WDR47: variants seen among roughly 807,000 people sequenced by gnomAD.
WDR47 encodes the protein WD repeat-containing protein 47.
Under a neutral mutation model 97.2 loss-of-function variants are expected in WDR47, and 32 were observed. The ratio of observed to expected loss-of-function variants is 0.33; its 90% confidence interval spans 0.25 to 0.44. WDR47 has a LOEUF of 0.44. Ranked by LOEUF, WDR47 falls within the 20% of genes least tolerant of loss-of-function variation. The probability of loss-of-function intolerance (pLI) is 1.00; values close to 1 mark genes in which losing one functional copy is unlikely to be tolerated. For missense variants in WDR47, 782 were observed against 1,102.3 expected (o/e 0.71, Z 4.11); for synonymous variants, 375 against 373.5 (o/e 1.00, Z -0.05).
At position 108,995,662 on chromosome 1, in the gene WDR47, T is replaced by G. The variant is rs763515127; in HGVS notation, c.1609A>C (p.Asn537His). The G allele has an allele frequency of 6.2e-6, 10 of 1,614,124 alleles. No homozygotes were observed. The highest frequency in any genetic ancestry group is 8.5e-6 in the Non-Finnish European group (10 of 1,179,992). The change falls in exon 8 of 15, where the codon AAT becomes CAT. Residue 537 changes from asparagine to histidine, a missense_variant. Coordinates refer to ENST00000369962, the MANE Select transcript of WDR47 (RefSeq NM_001142551.2). ...SSQRLTHDASNIHTSTPRNPG... is the reference protein window; with the variant it reads ...SSQRLTHDASHIHTSTPRNPG... ...TTACGAGGAGTGCTTGTATGAATATTTGAAGCATCATGTGTTAATCTCTGA... is the reference window on the plus strand; with the variant it reads ...TTACGAGGAGTGCTTGTATGAATATGTGAAGCATCATGTGTTAATCTCTGA...
chr1:109,018,294 C>CGA, intron 2 of WDR47, among the ~76,000 whole-genome samples: 1 of 151,736 alleles, frequency 6.6e-6, no homozygotes, highest in South Asian at 2.1e-4. Context: ...ACTAAAAGTA[C>CGA]GAAAATTAGC....
intron 1 of WDR47, among the ~76,000 whole-genome samples, chr1:109,035,365 G>C (rs1030781830): frequency 6.6e-6 from 1 of 151,988 alleles, no homozygotes; most frequent in Non-Finnish European, 1.5e-5. Context: ...AGGGATCTAG[G>C]AGAAGAAAAG....
intron 7 of WDR47, among the ~76,000 whole-genome samples, chr1:108,999,224 T>C (rs1659980921): frequency 1.5e-5 from 2 of 137,536 alleles, no homozygotes; most frequent in African/African-American, 5.4e-5. Context: ...CAAGACTCTG[T>C]CCCCAAAAAA....
chr1:109,016,120 T>C (rs1236892689), intron 3 of WDR47, among the ~76,000 whole-genome samples: 2 of 152,068 alleles, frequency 1.3e-5, no homozygotes, highest in African/African-American at 4.8e-5. Context: ...AGTCTGGTAC[T>C]GACTGAACAA....
chr1:108,971,397 G>A lies in WDR47; in HGVS notation c.*33C>T, dbSNP rs1657444777. On this transcript the variant is annotated 3_prime_UTR_variant, in exon 15 of 15. Coordinates refer to ENST00000369962, the MANE Select transcript of WDR47 (RefSeq NM_001142551.2). ...CAACTCAGTAGTCTTAAGTCTCTGT[G>A]CTTTTGCTGCATAGACTGACATGCG... 6.2e-7 allele frequency: 1 copy of A among 1,612,714 alleles called. No homozygotes were observed. Among genetic ancestry groups the A allele is most frequent in the Admixed American group, 1.7e-5 (1 of 59,826 alleles).
At chr1:109,013,555 G>A (rs1661200330) in intron 4 of WDR47, among the ~76,000 whole-genome samples, 1 of 152,034 alleles carries the variant, frequency 6.6e-6, no homozygotes, top group Admixed American at 6.6e-5. Flanking sequence ...AAGAAATGAT[G>A]AAGAGTCATC....
intron 9 of WDR47, 69 bp downstream of exon 9, chr1:108,991,185 T>G: frequency 6.8e-7 from 1 of 1,468,340 alleles, no homozygotes; most frequent in Non-Finnish European, 9.4e-7. Context: ...TTTCTTTGAA[T>G]TGAAAATTTC....
At chr1:109,005,947 C>G (rs1660577901) in intron 5 of WDR47, among the ~76,000 whole-genome samples, 1 of 152,048 alleles carries the variant, frequency 6.6e-6, no homozygotes, top group Non-Finnish European at 1.5e-5. Flanking sequence ...CTCTGTGGCT[C>G]AGCTTAAAAT....
At chr1:108,993,325 C>CAA (rs35638565) in intron 8 of WDR47, among the ~76,000 whole-genome samples, 39 of 123,682 alleles carry the variant, frequency 3.2e-4, no homozygotes, top group Middle Eastern at 4.1e-3. Flanking sequence ...GACACTGTCT[C>CAA]AAAAAAAAAA....
At position 109,034,691 on chromosome 1, in the gene WDR47, T is replaced by C. The variant is rs1182099421; in HGVS notation, c.-10+7171A>G. On this transcript the variant is annotated intron_variant, in intron 1 of 14. Transcript: ENST00000369962. ...CTTATGTGAATCTAATGCCTGTTGA[T>C]CTGAGGTAGAATGGTTTCCACCTCA... Among the ~76,000 whole-genome samples, 5 of 152,208 alleles carry C rather than the reference T, an allele frequency of 3.3e-5. No individual in the cohort carries two copies. In the East Asian group the frequency reaches 7.7e-4, roughly 23 times the overall value.
chr1:109,026,052 T>C (rs1441723215), intron 1 of WDR47, among the ~76,000 whole-genome samples: 1 of 146,550 alleles, frequency 6.8e-6, no homozygotes, highest in Admixed American at 6.8e-5. Context: ...ACTAAATTCT[T>C]TTTTTTTTTT....
chr1:109,036,354 A>C (rs1236025895), intron 1 of WDR47, among the ~76,000 whole-genome samples: 1 of 151,862 alleles, frequency 6.6e-6, no homozygotes, highest in African/African-American at 2.4e-5. Flanking sequence ...CAGGTGGATC[A>C]CAAAGTCAGG....
At chr1:109,008,656 G>A (rs1660807950) in intron 5 of WDR47, among the ~76,000 whole-genome samples, 1 of 152,014 alleles carries the variant, frequency 6.6e-6, no homozygotes, top group South Asian at 2.1e-4. Flanking sequence ...TGCCCAGGCT[G>A]GAGTGCAGTG....
At position 109,042,060 on chromosome 1, in the gene WDR47, CT is replaced by C. The variant is rs954585563; in HGVS notation, c.-209del. ...CAATCCGTCCTTCTCACGTCCGCCCCTCCCGGCCCAGCGACTCCTCAGCTCA... is the reference window on the plus strand; with the variant it reads ...CAATCCGTCCTTCTCACGTCCGCCCCCCCGGCCCAGCGACTCCTCAGCTCA... On this transcript the variant is annotated 5_prime_UTR_variant, in exon 1 of 15. Coordinates refer to ENST00000369962, the MANE Select transcript of WDR47 (RefSeq NM_001142551.2). 6.6e-6 allele frequency: 1 copy of C among 152,488 alleles called. No individual in the cohort carries two copies. Among genetic ancestry groups the C allele is most frequent in the Admixed American group, 6.5e-5 (1 of 15,280 alleles). 9.4% of individuals were successfully genotyped at this position (152,488 alleles called of 1,614,324 possible).
chr1:109,002,124 G>C, intron 7 of WDR47, 100 bp downstream of exon 7: 5 of 1,321,968 alleles, frequency 3.8e-6, no homozygotes, highest in Middle Eastern at 2.3e-4. Context: ...TGCGTAAAAA[G>C]CCTTAAAATG....
chr1:108,981,673 G>A, intron 13 of WDR47, 60 bp downstream of exon 13: 1 of 1,504,636 alleles, frequency 6.6e-7, no homozygotes, highest in Non-Finnish European at 8.9e-7. Context: ...GGGAGAAGAA[G>A]TAGACTAGTC....
At chr1:108,991,794 C>T (rs1476284124) in intron 8 of WDR47, among the ~76,000 whole-genome samples, 4 of 151,962 alleles carry the variant, frequency 2.6e-5, no homozygotes, top group Non-Finnish European at 4.4e-5. Context: ...CATATGTAGC[C>T]CTTCCTTCCA....
intron 5 of WDR47, among the ~76,000 whole-genome samples, chr1:109,008,727 C>A (rs1156807973): frequency 6.6e-6 from 1 of 152,134 alleles, no homozygotes; most frequent in Non-Finnish European, 1.5e-5. Flanking sequence ...CCTGCGTCAG[C>A]CTCCTGAGTA....
At chr1:109,028,078 T>G (rs137876380) in intron 1 of WDR47, among the ~76,000 whole-genome samples, 175 of 152,336 alleles carry the variant, frequency 1.1e-3, no homozygotes, top group Non-Finnish European at 2.0e-3. Flanking sequence ...GAGATGCACA[T>G]ATAATCATAA....
Sources: gnomAD v4.1 joint callset for allele counts (sites outside exome capture counted in the v4.1 genomes callset) on GRCh38, gnomAD v4.1.1 for gene constraint, MANE v1.5 for transcripts, NCBI Gene and HGNC (gene_info 2026-07-23, HGNC 2026-07-21) for gene names.